ITGAE: variants seen among roughly 807,000 people sequenced by gnomAD.
The protein encoded by ITGAE is integrin subunit alpha E.
In ITGAE, 99 loss-of-function variants were observed where a neutral mutation model predicts 136.5. The observed-to-expected ratio is 0.73, with a 90% CI of 0.62 to 0.86. The LOEUF (loss-of-function observed/expected upper bound fraction) is 0.86. ITGAE is among the 40% of genes least tolerant of loss of function. The pLI is 0.00. For missense variants in ITGAE, 1,447 were observed against 1,515.3 expected (o/e 0.95, Z 0.75); for synonymous variants, 613 against 591.8 (o/e 1.04, Z -0.52).
intron 1 of ITGAE, among the ~76,000 whole-genome samples, chr17:3,778,062 C>T (rs554198878): frequency 7.2e-5 from 11 of 152,108 alleles, no homozygotes; most frequent in Admixed American, 2.0e-4. Flanking sequence ...CCCCTTCAAG[C>T]GACCCACGAG....
chr17:3,714,837 A>T lies in ITGAE; in HGVS notation c.*10T>A. On this transcript the variant is annotated 3_prime_UTR_variant, in exon 31 of 31. Transcript: ENST00000263087. The stretch of plus-strand genomic sequence containing the variant: ...ACTGGCTGATAGCCTCTCCCAGTGG[A>T]TAGCAGGTCCTAATTCTCTTCTTCG... 2.6e-6 allele frequency: 4 copies of T among 1,545,610 alleles called. No individual in the cohort carries two copies. The highest frequency in any genetic ancestry group is 2.7e-6 in the Non-Finnish European group (3 of 1,118,918).
intron 27 of ITGAE, 122 bp from the exon 28 acceptor site, chr17:3,723,505 C>A: frequency 2.0e-6 from 2 of 983,994 alleles, no homozygotes; most frequent in East Asian, 2.5e-5. Flanking sequence ...AATTTCAGCG[C>A]TCACCTCGGC....
intron 2 of ITGAE, among the ~76,000 whole-genome samples, chr17:3,776,471 G>A (rs947188833): frequency 4.6e-5 from 7 of 152,200 alleles, no homozygotes; most frequent in East Asian, 1.9e-4. Flanking sequence ...GCTCAGGCCC[G>A]AGCACCTTGC....
In ITGAE at chr17:3,725,443, C is replaced by T. The variant is rs375922937; in HGVS notation, c.3085-1699G>A. ...TTTGGCGAAGTGTTTCAAACAATTG[C>T]TGATCACACACCCGTAGCCATAAAA... On this transcript the variant is annotated intron_variant, in intron 26 of 30. Coordinates refer to ENST00000263087, the MANE Select transcript of ITGAE (RefSeq NM_002208.5). 3.1e-6 allele frequency: 5 copies of T among 1,614,058 alleles called. No homozygotes were observed. The African/African-American group carries it at 6.7e-5, about 22-fold the overall frequency.
At chr17:3,724,947 C>T (rs2051172162) in intron 26 of ITGAE, 2 of 1,613,620 alleles carry the variant, frequency 1.2e-6, no homozygotes, top group Admixed American at 1.7e-5. Flanking sequence ...TAGATCAAGC[C>T]GGAAGAGCAA....
chr17:3,745,502 C>T (rs527546063), intron 18 of ITGAE, among the ~76,000 whole-genome samples: 6 of 152,118 alleles, frequency 3.9e-5, no homozygotes, highest in East Asian at 3.9e-4. Context: ...CCATCACGCC[C>T]GGCTAATTTT....
intron 24 of ITGAE, among the ~76,000 whole-genome samples, chr17:3,729,133 C>T (rs76263301): frequency 0.02 from 3,062 of 152,142 alleles, 111 homozygotes; most frequent in African/African-American, 0.07. Flanking sequence ...AATTCTGTAT[C>T]GTTGGGCTGG....
At chr17:3,763,586 CAGAATG>C (rs2052225372) in intron 3 of ITGAE, among the ~76,000 whole-genome samples, 1 of 152,106 alleles carries the variant, frequency 6.6e-6, no homozygotes, top group African/African-American at 2.4e-5. Context: ...AGGATGAAAA[CAGAATG>C]ACTCAGAGGA....
chr17:3,777,650 C>T lies in ITGAE; in HGVS notation c.45G>A (p.Leu15=), dbSNP rs562605173. 1.9e-6 allele frequency: 3 copies of T among 1,612,784 alleles called. No individual in the cohort carries two copies. The highest frequency in any genetic ancestry group is 4.5e-5 in the East Asian group (2 of 44,858). Residue 15 remains leucine, a synonymous_variant, in exon 2 of 31, where the codon CTG becomes CTA. Transcript: ENST00000263087. ...CCACATCCACATTGAAAGCGGCCAG[C>T]AGGGCCAGGCCTGTAGGGAAAAGAG... is the stretch of plus-strand genomic sequence containing the variant. ...HTLLCIASLA[L]LAAFNVDVAR... is the part of the protein sequence containing the mutation.
chr17:3,732,298 A>G (rs117385232), intron 22 of ITGAE, 70 bp downstream of exon 22: 40,286 of 1,153,582 alleles, frequency 0.035, 2,223 homozygotes, highest in Admixed American at 0.22. Flanking sequence ...AGAGATTGAG[A>G]TGAGACCAAG....
chr17:3,751,430 A>G (rs1280426219), intron 15 of ITGAE, among the ~76,000 whole-genome samples: 1 of 151,466 alleles, frequency 6.6e-6, no homozygotes, highest in African/African-American at 2.4e-5. Flanking sequence ...GGCCGAGGTG[A>G]AGCCCTGGTC....
rs370389773 is a variant in ITGAE, at chr17:3,723,797, T to TCCGTC, written c.3085-58_3085-54dup. ...GCTGAACAAACCAAGCCGCCAGTTT[T>TCCGTC]CCGTCCCGTCCCGGCCCCGGCCCTG... On this transcript the variant is annotated intron_variant, in intron 26 of 30. Coordinates refer to ENST00000263087, the MANE Select transcript of ITGAE (RefSeq NM_002208.5). 488 of 1,593,786 alleles carry TCCGTC rather than the reference T, an allele frequency of 3.1e-4. 2 individuals carry two copies. The African/African-American group carries it at 5.8e-3, about 19-fold the overall frequency.
rs535558198 is a variant in ITGAE, at chr17:3,731,566, T to C, written c.2755-383A>G. ...CATGTTGGCCAGGCTGGTCTCGAACTCCTGACCTCAAATGATCCACCCACC... is the reference window on the plus strand; with the variant it reads ...CATGTTGGCCAGGCTGGTCTCGAACCCCTGACCTCAAATGATCCACCCACC... On this transcript the variant is annotated intron_variant, in intron 22 of 30. Coordinates refer to ENST00000263087, the MANE Select transcript of ITGAE (RefSeq NM_002208.5). Among the ~76,000 whole-genome samples the C allele has an allele frequency of 7.9e-5, 12 of 151,164 alleles. No individual in the cohort carries two copies. The East Asian group carries it at 2.0e-3, about 25-fold the overall frequency.
chr17:3,742,906 C>T (rs1445680549), intron 19 of ITGAE, among the ~76,000 whole-genome samples: 2 of 152,356 alleles, frequency 1.3e-5, no homozygotes, highest in East Asian at 3.9e-4. Flanking sequence ...CCTGCCTCAA[C>T]CTCCCAAAGT....
intron 1 of ITGAE, among the ~76,000 whole-genome samples, chr17:3,796,697 G>A (rs1039555363): frequency 6.6e-6 from 1 of 151,452 alleles, no homozygotes; most frequent in Non-Finnish European, 1.5e-5. Context: ...CCCCAGCCAC[G>A]GAGGCCTGCT....
intron 24 of ITGAE, chr17:3,728,499 A>G (rs767338037): frequency 2.3e-4 from 46 of 204,226 alleles, no homozygotes; most frequent in Non-Finnish European, 3.6e-4. Context: ...TAAGCCCCCA[A>G]GTAGCTGAGA....
chr17:3,785,406 T>C (rs2052759348), intron 1 of ITGAE, among the ~76,000 whole-genome samples: 1 of 150,450 alleles, frequency 6.6e-6, no homozygotes, highest in Admixed American at 6.7e-5. Flanking sequence ...GAGGTGGAGG[T>C]TGCAGTGAGC....
chr17:3,746,004 G>A (rs2143016628), intron 17 of ITGAE, 77 bp from the exon 18 acceptor site: 2 of 1,356,654 alleles, frequency 1.5e-6, no homozygotes, highest in African/African-American at 1.4e-5. Context: ...GCCTGCCTGA[G>A]GTTCCTTGTG....
At chr17:3,728,051 A>G in intron 25 of ITGAE, 25 bp from the exon 26 acceptor site, 8 of 1,606,112 alleles carry the variant, frequency 5.0e-6, no homozygotes, top group Non-Finnish European at 6.8e-6. Context: ...CAGAGTAGGA[A>G]ATCAAAGCTG....
Sources: allele counts gnomAD v4.1 joint callset (sites outside exome capture counted in the v4.1 genomes callset), GRCh38; gene constraint gnomAD v4.1.1; transcripts MANE v1.5; gene names NCBI Gene and HGNC (gene_info 2026-07-23, HGNC 2026-07-21).